Variants in ATP8A2 observed in about 807,000 individuals in gnomAD.
ATP8A2 encodes ATPase phospholipid transporting 8A2.
A neutral mutation model predicts 165.6 loss-of-function variants in ATP8A2; 100 were observed. The ratio of observed to expected loss-of-function variants is 0.60; its 90% CI spans 0.51 to 0.71. ATP8A2 has a LOEUF of 0.71. ATP8A2 is among the 30% of genes least tolerant of loss of function. The pLI is 0.00. For synonymous variants in ATP8A2, 543 were observed against 548.8 expected (o/e 0.99, Z 0.15); for missense variants, 1,227 against 1,479.5 (o/e 0.83, Z 2.80).
At chr13:26,013,067 C>T (rs1008189089) in intron 36 of ATP8A2, among the ~76,000 whole-genome samples, 17 of 151,956 alleles carry the variant, frequency 1.1e-4, no homozygotes, top group Non-Finnish European at 1.9e-4. Flanking sequence ...CCCTGCCACC[C>T]CCGCCCCCAC....
At chr13:25,730,624 T>C (rs946959546) in intron 25 of ATP8A2, among the ~76,000 whole-genome samples, 8 of 152,350 alleles carry the variant, frequency 5.3e-5, no homozygotes, top group Non-Finnish European at 1.2e-4. Flanking sequence ...TTCTATATTC[T>C]TACTTTATAA....
chr13:25,701,279 G>C (rs2042945790), intron 25 of ATP8A2, among the ~76,000 whole-genome samples: 1 of 152,064 alleles, frequency 6.6e-6, no homozygotes, highest in South Asian at 2.1e-4. Flanking sequence ...TTTCTTTCCT[G>C]GGTTCTATTT....
chr13:25,853,466 A>G (rs1355982118), intron 30 of ATP8A2, among the ~76,000 whole-genome samples: 1 of 149,850 alleles, frequency 6.7e-6, no homozygotes, highest in African/African-American at 2.4e-5. Context: ...TTGTGTGTAT[A>G]TCCATAAAAT....
At chr13:25,932,498 A>G (rs1954794004) in intron 33 of ATP8A2, among the ~76,000 whole-genome samples, 1 of 152,194 alleles carries the variant, frequency 6.6e-6, no homozygotes, top group Non-Finnish European at 1.5e-5. Flanking sequence ...TCAAACCCAA[A>G]TACTTGCACC....
At chr13:25,900,878 A>G (rs1339494836) in intron 33 of ATP8A2, among the ~76,000 whole-genome samples, 1 of 152,248 alleles carries the variant, frequency 6.6e-6, no homozygotes, top group African/African-American at 2.4e-5. Flanking sequence ...CCACACCTCC[A>G]TTCTAGCCAC....
chr13:25,619,741 CA>C (rs2040921997), intron 24 of ATP8A2, among the ~76,000 whole-genome samples: 4 of 152,184 alleles, frequency 2.6e-5, no homozygotes, highest in Admixed American at 2.6e-4. Flanking sequence ...TTATCTAGAA[CA>C]GAGGTCAACA....
chr13:25,469,235 C>T (rs1042333448), intron 2 of ATP8A2, 114 bp downstream of exon 2: 21 of 1,336,208 alleles, frequency 1.6e-5, no homozygotes, highest in Non-Finnish European at 3.1e-6. Flanking sequence ...CCATCTCCCC[C>T]AGAGCCTTCC....
At chr13:26,011,497 G>A (rs1178051078) in intron 35 of ATP8A2, among the ~76,000 whole-genome samples, 2 of 152,140 alleles carry the variant, frequency 1.3e-5, no homozygotes, top group Non-Finnish European at 2.9e-5. Context: ...TGAATTTAGA[G>A]GGGACACCAT....
intron 27 of ATP8A2, among the ~76,000 whole-genome samples, chr13:25,791,604 T>C (rs1259138730): frequency 1.3e-5 from 2 of 150,566 alleles, no homozygotes; most frequent in Non-Finnish European, 2.9e-5. Flanking sequence ...AGCAGTCCAC[T>C]CTGCCTGGAA....
intron 2 of ATP8A2, among the ~76,000 whole-genome samples, chr13:25,490,945 G>A (rs2036511756): frequency 6.6e-6 from 1 of 151,712 alleles, no homozygotes. Flanking sequence ...ATGTGTTGCT[G>A]TGTTGCCCAG....
intron 28 of ATP8A2, 106 bp from the exon 29 acceptor site, chr13:25,837,057 C>T: frequency 7.2e-7 from 1 of 1,398,470 alleles, no homozygotes; most frequent in Non-Finnish European, 9.7e-7. Flanking sequence ...CATGGAGTCT[C>T]AGGTTTGGAC....
chr13:26,008,061 A>G (rs1009235207), intron 35 of ATP8A2, among the ~76,000 whole-genome samples: 1 of 152,198 alleles, frequency 6.6e-6, no homozygotes, highest in South Asian at 2.1e-4. Context: ...CCAATGCTAC[A>G]TGCTAATATA....
At chr13:25,590,149 G>A (rs544081293) in intron 24 of ATP8A2, among the ~76,000 whole-genome samples, 1 of 152,182 alleles carries the variant, frequency 6.6e-6, no homozygotes, top group Non-Finnish European at 1.5e-5. Flanking sequence ...GTGAGGCCAG[G>A]TGCAGTGGCT....
chr13:25,819,625 C>T (rs1219521735), intron 27 of ATP8A2, among the ~76,000 whole-genome samples: 1 of 151,372 alleles, frequency 6.6e-6, no homozygotes, highest in Non-Finnish European at 1.5e-5. Context: ...TTGCTGCAAT[C>T]ACCCCCTACT....
intron 1 of ATP8A2, among the ~76,000 whole-genome samples, chr13:25,427,488 C>T (rs995409117): frequency 5.3e-5 from 8 of 152,040 alleles, no homozygotes; most frequent in South Asian, 4.2e-4. Flanking sequence ...CCTCCACGCC[C>T]GGGTCATGGG....
At chr13:25,469,297 A>G (rs1204259272) in intron 2 of ATP8A2, among the ~76,000 whole-genome samples, 176 bp downstream of exon 2, 2 of 148,750 alleles carry the variant, frequency 1.3e-5, no homozygotes, top group East Asian at 2.0e-4. Flanking sequence ...CGCTTCCAGT[A>G]GGGTCATGCG....
chr13:25,379,459 C>A (rs138852897), intron 1 of ATP8A2, among the ~76,000 whole-genome samples: 171 of 152,224 alleles, frequency 1.1e-3, no homozygotes, highest in East Asian at 0.011. Flanking sequence ...GGGAGCAGTT[C>A]ATTCATATTC....
chr13:25,428,409 G>A (rs1267787069), intron 1 of ATP8A2, among the ~76,000 whole-genome samples: 1 of 152,178 alleles, frequency 6.6e-6, no homozygotes, highest in African/African-American at 2.4e-5. Flanking sequence ...TGCTAGATGT[G>A]CTGGGTTCGA....
chr13:25,613,433 G>C (rs945980449), intron 24 of ATP8A2, among the ~76,000 whole-genome samples: 4 of 152,134 alleles, frequency 2.6e-5, no homozygotes, highest in African/African-American at 4.8e-5. Flanking sequence ...AATTAGCTTG[G>C]TGTGGTGGTG....
Sources: allele counts gnomAD v4.1 joint callset (sites outside exome capture counted in the v4.1 genomes callset), GRCh38; gene constraint gnomAD v4.1.1; transcripts MANE v1.5; gene names NCBI Gene and HGNC (gene_info 2026-07-23, HGNC 2026-07-21).